Variants in ANKRD42 observed in about 807,000 individuals in gnomAD.
The protein encoded by ANKRD42 is ankyrin repeat domain-containing protein 42.
ANKRD42 carries 43 observed loss-of-function variants against 51.5 expected under a neutral mutation model. The observed-to-expected ratio is 0.83, with a 90% confidence interval of 0.65 to 1.08. The LOEUF is 1.08. ANKRD42 is among the 50% of genes least tolerant of loss of function. The pLI is 0.00. For synonymous variants in ANKRD42, 203 were observed against 213.0 expected, an observed-to-expected ratio of 0.95 and a Z score of 0.41; for missense variants, 608 against 629.3, an observed-to-expected ratio of 0.97 and a Z score of 0.36.
At position 83,198,584 on chromosome 11, in the gene ANKRD42, T is replaced by G. The variant is rs762446701; in HGVS notation, c.164T>G (p.Leu55Arg). ...GTACGTGGAGCCAGCATTAATGAAC[T>G]TGATGTTCTCCATAAGTTTACCCCT... is the stretch of plus-strand genomic sequence containing the variant. ...IVVRGASINELDVLHKFTPLH... is the reference protein window; with the variant it reads ...IVVRGASINERDVLHKFTPLH... Residue 55 changes from leucine to arginine, a missense_variant, in exon 2 of 11, where the codon CTT becomes CGT. By Grantham distance (102) the Leu-to-Arg change is moderately radical. Transcript: ENST00000533342. 6.2e-7 allele frequency: 1 copy of G among 1,613,152 alleles called. No individual in the cohort carries two copies. The highest frequency in any genetic ancestry group is 8.5e-7 in the Non-Finnish European group (1 of 1,179,370).
intron 8 of ANKRD42, among the ~76,000 whole-genome samples, chr11:83,238,712 C>T (rs1413077028): frequency 1.3e-5 from 2 of 152,040 alleles, no homozygotes; most frequent in African/African-American, 2.4e-5. Flanking sequence ...TGCCTGTAAT[C>T]CCAGCTACTC....
intron 6 of ANKRD42, among the ~76,000 whole-genome samples, chr11:83,225,782 GAAAAAAAAA>G (rs59860833): frequency 5.6e-5 from 5 of 88,798 alleles, no homozygotes; most frequent in Admixed American, 3.0e-4. Context: ...CTCCATCCTG[GAAAAAAAAA>G]AAAAAAAAAA....
intron 5 of ANKRD42, among the ~76,000 whole-genome samples, chr11:83,220,587 C>T (rs956407724): frequency 3.9e-5 from 6 of 152,132 alleles, no homozygotes; most frequent in Admixed American, 2.0e-4. Context: ...GCTTCCACGG[C>T]ATGGAAGGGG....
intron 10 of ANKRD42, among the ~76,000 whole-genome samples, chr11:83,246,699 T>C (rs1421570028): frequency 1.3e-5 from 2 of 152,226 alleles, no homozygotes; most frequent in Non-Finnish European, 2.9e-5. Context: ...GAACTGCCTG[T>C]TTCCCTTTCC....
chr11:83,225,186 C>T, intron 6 of ANKRD42, 131 bp downstream of exon 6: 1 of 703,638 alleles, frequency 1.4e-6, no homozygotes, highest in Non-Finnish European at 2.2e-6. Context: ...AAAATATAAA[C>T]ATGTTTAATA....
intron 2 of ANKRD42, 45 bp from the exon 3 acceptor site, chr11:83,206,013 T>TA (rs1862055821): frequency 6.6e-7 from 1 of 1,518,118 alleles, no homozygotes; most frequent in African/African-American, 1.4e-5. Flanking sequence ...ATAAAAATGT[T>TA]AAAAACATCC....
intron 7 of ANKRD42, among the ~76,000 whole-genome samples, chr11:83,233,971 C>T (rs770842390): frequency 3.3e-5 from 5 of 152,346 alleles, no homozygotes; most frequent in South Asian, 2.1e-4. Flanking sequence ...GCATGAGCCA[C>T]GGTGCCCGGC....
chr11:83,240,705 G>C, intron 8 of ANKRD42, 54 bp from the exon 9 acceptor site: 1 of 1,591,764 alleles, frequency 6.3e-7, no homozygotes, highest in African/African-American at 1.3e-5. Flanking sequence ...GCAAGCTGCA[G>C]TTTCAGTTTG....
downstream of ANKRD42, among the ~76,000 whole-genome samples, chr11:83,263,727 T>G (rs560887740): frequency 7.2e-5 from 11 of 152,248 alleles, no homozygotes; most frequent in East Asian, 2.1e-3. Flanking sequence ...TTAGTGAAAG[T>G]GGAATGATAA....
chr11:83,232,315 T>G (rs1863096430), intron 7 of ANKRD42, among the ~76,000 whole-genome samples: 1 of 152,048 alleles, frequency 6.6e-6, no homozygotes, highest in Non-Finnish European at 1.5e-5. Flanking sequence ...CCTTTACTTC[T>G]TTGGTTAATT....
At chr11:83,196,807 C>G (rs1861675644) in intron 1 of ANKRD42, among the ~76,000 whole-genome samples, 1 of 152,082 alleles carries the variant, frequency 6.6e-6, no homozygotes, top group South Asian at 2.1e-4. Flanking sequence ...GAAAAAAGAC[C>G]ATAAAATTAG....
intron 7 of ANKRD42, among the ~76,000 whole-genome samples, chr11:83,230,825 A>G (rs1863047686): frequency 6.6e-6 from 1 of 152,132 alleles, no homozygotes; most frequent in Admixed American, 6.5e-5. Flanking sequence ...TGACCTCGTG[A>G]TCCGCCCACC....
intron 9 of ANKRD42, among the ~76,000 whole-genome samples, chr11:83,242,567 G>GTTTTTTTTTTTTTTTTTTTTTTT (rs539259244): frequency 3.5e-5 from 4 of 115,544 alleles, no homozygotes; most frequent in East Asian, 2.5e-4. Flanking sequence ...TGGTAGTTAA[G>GTTTTTTTTTTTTTTTTTTTTTTT]TTTTTTTTTT....
At chr11:83,221,028 T>G (rs1862703809) in intron 5 of ANKRD42, among the ~76,000 whole-genome samples, 1 of 152,150 alleles carries the variant, frequency 6.6e-6, no homozygotes, top group African/African-American at 2.4e-5. Context: ...TTCTTAGATT[T>G]GGTCTTTTGA....
chr11:83,208,710 G>A (rs1339105562), intron 3 of ANKRD42, among the ~76,000 whole-genome samples: 1 of 152,180 alleles, frequency 6.6e-6, no homozygotes, highest in Non-Finnish European at 1.5e-5. Context: ...AGGGAAATCT[G>A]AAAAGCAAGG....
chr11:83,240,839 A>G lies in ANKRD42; in HGVS notation c.1100A>G (p.Asn367Ser), dbSNP rs888599543. The G allele has an allele frequency of 7.4e-6, 12 of 1,614,142 alleles. No individual in the cohort carries two copies. Among genetic ancestry groups the G allele is most frequent in the South Asian group, 1.1e-5 (1 of 91,082 alleles). Reference protein sequence around the residue: ...DIDDENEIDENDVKYFIRHGV... With the variant: ...DIDDENEIDESDVKYFIRHGV... The stretch of plus-strand genomic sequence containing the variant: ...GATGACGAAAATGAAATTGATGAAA[A>G]TGATGTGAAATATTTTATAAGACAT... Residue 367 changes from asparagine to serine, a missense_variant, in exon 9 of 11, where the codon AAT becomes AGT. By Grantham distance (46) the Asn-to-Ser change is conservative (BLOSUM62 1). Transcript: ENST00000533342.
At chr11:83,201,921 A>T (rs527560576) in intron 2 of ANKRD42, among the ~76,000 whole-genome samples, 13 of 152,064 alleles carry the variant, frequency 8.5e-5, no homozygotes, top group African/African-American at 2.4e-4. Context: ...GATTGCACAA[A>T]TTTTTTCCCA....
At chr11:83,243,966 C>CTTTTTTTTT (rs1565196572) in intron 9 of ANKRD42, among the ~76,000 whole-genome samples, 1 of 91,956 alleles carries the variant, frequency 1.1e-5, no homozygotes, top group African/African-American at 4.4e-5. Flanking sequence ...GCCTGGCTGC[C>CTTTTTTTTT]CTTTTTTTTT....
At chr11:83,235,990 A>G (rs761292143) in intron 7 of ANKRD42, among the ~76,000 whole-genome samples, 1 of 152,056 alleles carries the variant, frequency 6.6e-6, no homozygotes, top group African/African-American at 2.4e-5. Flanking sequence ...GTAGGTCCTT[A>G]TGGTTAGAAT....
Sources: gnomAD v4.1 joint callset for allele counts (sites outside exome capture counted in the v4.1 genomes callset) on GRCh38, gnomAD v4.1.1 for gene constraint, MANE v1.5 for transcripts, NCBI Gene and HGNC (gene_info 2026-07-23, HGNC 2026-07-21) for gene names.